Variants in JAKMIP3 observed in about 807,000 individuals in gnomAD.
JAKMIP3 encodes Janus kinase and microtubule interacting protein 3.
JAKMIP3 carries 58 observed loss-of-function variants against 118.5 expected under a neutral mutation model. That is an observed-to-expected ratio of 0.49 (90% CI 0.40 to 0.61). The LOEUF is 0.61. Among genes scored for constraint, JAKMIP3 ranks in the 20% least tolerant of loss-of-function variants. JAKMIP3 has a pLI of 0.00. For synonymous variants in JAKMIP3, 486 were observed against 451.2 expected (o/e 1.08, Z -0.98); for missense variants, 950 against 1,109.0 (o/e 0.86, Z 2.04).
upstream of JAKMIP3, among the ~76,000 whole-genome samples, chr10:132,061,221 ACACATACACCTGCCGTGACGG>A (rs2038385080): frequency 1.4e-4 from 5 of 35,028 alleles, no homozygotes; most frequent in African/African-American, 4.1e-4. Flanking sequence ...GTGACGGCGC[ACACATACACCTGCCGTGACGG>A]CGCACACACA....
intron 1 of JAKMIP3, among the ~76,000 whole-genome samples, chr10:132,071,074 G>A (rs954410551): frequency 1.3e-5 from 2 of 151,476 alleles, no homozygotes; most frequent in African/African-American, 4.9e-5. Context: ...TGCAACTTCT[G>A]GTATGTTGTT....
intron 15 of JAKMIP3, 44 bp downstream of exon 15, chr10:132,149,554 T>TCCCCCGTCCCACCCCCTCTCCG (rs2055421997): frequency 1.9e-6 from 1 of 530,272 alleles, no homozygotes; most frequent in African/African-American, 6.6e-5. Context: ...ACCTCACCCA[T>TCCCCCGTCCCACCCCCTCTCCG]CCCCCGCCCC....
intron 14 of JAKMIP3, among the ~76,000 whole-genome samples, chr10:132,148,778 G>A (rs548193649): frequency 4.1e-4 from 63 of 152,308 alleles, no homozygotes; most frequent in African/African-American, 1.4e-3. Context: ...ATTGTTTCAC[G>A]GCAAGGGTGG....
intron 6 of JAKMIP3, 75 bp from the exon 7 acceptor site, chr10:132,136,944 C>A (rs2051913462): frequency 1.3e-6 from 2 of 1,517,880 alleles, no homozygotes; most frequent in South Asian, 1.3e-5. Context: ...GGGAGAAGAC[C>A]CCCCCGCCGA....
intron 2 of JAKMIP3, among the ~76,000 whole-genome samples, chr10:132,109,912 G>A (rs1285090886): frequency 2.0e-5 from 3 of 152,224 alleles, no homozygotes; most frequent in Non-Finnish European, 4.4e-5. Flanking sequence ...TAGGAATTCA[G>A]TCATTACAAT....
chr10:132,139,160 A>G (rs2052596349), intron 9 of JAKMIP3, among the ~76,000 whole-genome samples: 1 of 140,394 alleles, frequency 7.1e-6, no homozygotes, highest in South Asian at 2.3e-4. Flanking sequence ...ATGAGTGTGT[A>G]TGTACATGTG....
chr10:132,042,576 C>T (rs1476084852), intron 1 of JAKMIP3, among the ~76,000 whole-genome samples: 4 of 152,280 alleles, frequency 2.6e-5, no homozygotes, highest in South Asian at 2.1e-4. Flanking sequence ...TTCCTCCCTC[C>T]CCATCCTGGC....
intron 1 of JAKMIP3, among the ~76,000 whole-genome samples, chr10:132,072,895 C>A (rs9419340): frequency 0.76 from 114,958 of 151,960 alleles, 44,452 homozygotes; most frequent in East Asian, 1. Context: ...AATTTTTCAA[C>A]CCTCACCCCT....
intron 9 of JAKMIP3, among the ~76,000 whole-genome samples, chr10:132,138,393 G>T (rs982345341): frequency 1.5e-5 from 2 of 135,492 alleles, no homozygotes; most frequent in Admixed American, 7.3e-5. Context: ...TGGAGAGTAC[G>T]CCGGGTGTGT....
At chr10:132,145,034 G>A (rs974583362) in intron 11 of JAKMIP3, 73 bp from the exon 12 acceptor site, 20 of 1,256,350 alleles carry the variant, frequency 1.6e-5, no homozygotes, top group Admixed American at 9.9e-5. Context: ...CCCTTCTGAC[G>A]TCCCACGAGT....
rs559028645 is a variant in JAKMIP3, at chr10:132,152,447, C to T, written c.2008-511C>T. On this transcript the variant is annotated intron_variant, in intron 16 of 23. Transcript: ENST00000684848. ...CCAGAAGGGCCACCCAGGGGCCCCT[C>T]GGTTGGGGAGGAAGCATGAATAAAA... Among the ~76,000 whole-genome samples the T allele has an allele frequency of 5.9e-5, 9 of 152,266 alleles. No individual in the cohort carries two copies. In the South Asian group the frequency reaches 6.2e-4, roughly 11 times the overall value.
At position 132,117,501 on chromosome 10, in the gene JAKMIP3, G is replaced by T. The variant is rs746758289; in HGVS notation, c.560G>T (p.Arg187Leu). Residue 187 changes from arginine to leucine, a missense_variant, in exon 3 of 24, where the codon CGC becomes CTC. Arg to Leu is a moderately radical substitution (Grantham distance 102). Coordinates refer to ENST00000684848, the MANE Select transcript of JAKMIP3 (RefSeq NM_001323087.2). The surrounding 1 kb of genome is among the most constrained non-coding windows in gnomAD (Gnocchi z 8.6). ...QADKIKAAEI[R>L]SVYHLHQEEI... ...GACAAGATCAAGGCCGCAGAGATCC[G>T]CAGCGTGTACCACCTGCACCAGGAG... 6.2e-7 allele frequency: 1 copy of T among 1,610,530 alleles called. No homozygotes were observed. The highest frequency in any genetic ancestry group is 8.5e-7 in the Non-Finnish European group (1 of 1,178,574).
At chr10:132,165,605 T>C (rs2058817278) in intron 21 of JAKMIP3, among the ~76,000 whole-genome samples, 1 of 152,212 alleles carries the variant, frequency 6.6e-6, no homozygotes, top group Admixed American at 6.5e-5. Context: ...GGGATGCCCC[T>C]GTGGTTGGCA....
At chr10:132,105,881 T>C (rs1391192307) in intron 2 of JAKMIP3, among the ~76,000 whole-genome samples, 1 of 145,518 alleles carries the variant, frequency 6.9e-6, no homozygotes, top group African/African-American at 2.6e-5. Flanking sequence ...GCATCTCTCT[T>C]GGGACCTGCA....
chr10:132,089,375 T>G (rs1297907600), intron 1 of JAKMIP3, among the ~76,000 whole-genome samples: 4 of 152,220 alleles, frequency 2.6e-5, no homozygotes, highest in Admixed American at 6.5e-5. Flanking sequence ...GTGTCCTCTT[T>G]TATTTTGTTG....
intron 23 of JAKMIP3, among the ~76,000 whole-genome samples, chr10:132,170,890 G>A (rs575452297): frequency 2.0e-5 from 3 of 152,318 alleles, no homozygotes; most frequent in Non-Finnish European, 2.9e-5. Flanking sequence ...AGTGAGCCTC[G>A]AATGCTAGAT....
At chr10:132,086,615 C>T (rs1029964259) in intron 1 of JAKMIP3, among the ~76,000 whole-genome samples, 1 of 151,888 alleles carries the variant, frequency 6.6e-6, no homozygotes, top group African/African-American at 2.4e-5. Flanking sequence ...ATATAATGTC[C>T]CTCTTTGCCT....
At chr10:132,081,696 C>T (rs935866577) in intron 1 of JAKMIP3, among the ~76,000 whole-genome samples, 4 of 152,080 alleles carry the variant, frequency 2.6e-5, no homozygotes, top group Non-Finnish European at 5.9e-5. Flanking sequence ...ACAGGTCAAG[C>T]TGCAGAGATG....
intron 23 of JAKMIP3, among the ~76,000 whole-genome samples, chr10:132,176,942 C>T (rs1389221831): frequency 6.6e-6 from 1 of 152,084 alleles, no homozygotes; most frequent in Non-Finnish European, 1.5e-5. Flanking sequence ...TTCCTATTGG[C>T]TTTGGAGCTA....
Sources: allele counts gnomAD v4.1 joint callset (sites outside exome capture counted in the v4.1 genomes callset), GRCh38; gene constraint gnomAD v4.1.1; non-coding constraint Gnocchi (gnomAD v3.1); transcripts MANE v1.5; gene names NCBI Gene and HGNC (gene_info 2026-07-23, HGNC 2026-07-21).